The following ZNF469 variants were observed in gnomAD, a reference collection of about 807,000 sequenced individuals.
The protein encoded by ZNF469 is zinc finger protein 469.
In ZNF469, 1 loss-of-function variant was observed where a neutral mutation model predicts 1.0. The observed-to-expected ratio is 1.00, with a 90% CI of 0.35 to 4.73. The LOEUF (loss-of-function observed/expected upper bound fraction) is 4.73, where lower values mean the gene tolerates loss of function less well. ZNF469 is among the 30% of genes most tolerant of loss of function. ZNF469 has a pLI of 0.16. For synonymous variants in ZNF469, 2,703 were observed against 2,363.4 expected, an observed-to-expected ratio of 1.14 and a Z score of -4.17; for missense variants, 6,100 against 5,356.3, an observed-to-expected ratio of 1.14 and a Z score of -4.33.
chr16:88,229,135 A>C, the ZNF469 span, among the ~76,000 whole-genome samples: 4 of 152,230 alleles, frequency 2.6e-5, no homozygotes, highest in Admixed American at 6.5e-5. Flanking sequence ...AATCAACTTA[A>C]AGGAGAATAA....
the ZNF469 span, among the ~76,000 whole-genome samples, chr16:88,230,257 G>A: frequency 6.6e-6 from 1 of 152,274 alleles, no homozygotes; most frequent in Non-Finnish European, 1.5e-5. Flanking sequence ...GCTGGAGCCT[G>A]GAAACAGCCA....
At chr16:88,398,580 G>A (rs536632565) in intron 1 of ZNF469, among the ~76,000 whole-genome samples, 1 of 149,130 alleles carries the variant, frequency 6.7e-6, no homozygotes, top group South Asian at 2.1e-4. Context: ...ACAGACAAAG[G>A]GACATGTGCC....
the ZNF469 span, among the ~76,000 whole-genome samples, chr16:88,354,382 G>A: frequency 9.2e-5 from 14 of 152,270 alleles, no homozygotes; most frequent in Admixed American, 4.6e-4. Flanking sequence ...TCTGGAACCC[G>A]GGACGCAGGC....
chr16:88,317,587 G>C, the ZNF469 span, among the ~76,000 whole-genome samples: 1 of 152,216 alleles, frequency 6.6e-6, no homozygotes, highest in African/African-American at 2.4e-5. Flanking sequence ...GCTGAGGCTT[G>C]GGTGTTGGGG....
chr16:88,379,437 G>C (rs2092515839), upstream of ZNF469, among the ~76,000 whole-genome samples: 1 of 152,104 alleles, frequency 6.6e-6, no homozygotes. Context: ...AGGAGGGGTG[G>C]ACGTGGCCCT....
At chr16:88,325,130 C>T in the ZNF469 span, among the ~76,000 whole-genome samples, 1,088 of 147,590 alleles carry the variant, frequency 7.4e-3, 9 homozygotes, top group African/African-American at 0.026. Context: ...CTCACCTGCA[C>T]ACTCCAGGTG....
intron 1 of ZNF469, among the ~76,000 whole-genome samples, chr16:88,401,603 ATAGTTGGGTGAG>A: frequency 1.5e-5 from 2 of 136,256 alleles, no homozygotes; most frequent in Admixed American, 7.2e-5. Flanking sequence ...AGATGGATGG[ATAGTTGGGTGAG>A]TGGATGGATG....
chr16:88,433,231 G>T lies in ZNF469; in HGVS notation c.5761G>T (p.Gly1921Cys), dbSNP rs758095145. The T allele has an allele frequency of 8.4e-6, 13 of 1,550,234 alleles. No individual in the cohort carries two copies. In the South Asian group the frequency reaches 1.4e-4, roughly 17 times the overall value. ...GVAKSKDGIL[G>C]LQELTPAAQS... ...GGCTAAGAGTAAAGATGGCATCCTG[G>T]GCTTGCAGGAGCTGACACCTGCTGC... The change falls in exon 3 of 3, where the codon GGC (glycine) becomes TGC (cysteine). Residue 1921 changes from glycine (G) to cysteine (C), a missense_variant. Gly to Cys is a radical substitution (Grantham distance 159). Coordinates refer to ENST00000565624, the MANE Select transcript of ZNF469 (RefSeq NM_001367624.2).
At position 88,432,174 on chromosome 16, in the gene ZNF469, C is replaced by T; in HGVS notation, c.4704C>T (p.Val1568=). The change falls in exon 3 of 3, where the codon GTC becomes GTT. Residue 1568 remains valine, a synonymous_variant. Transcript: ENST00000565624. The part of the protein sequence containing the change: ...SEDELEIQKL[V]TELESQLQRS... ...ATGAACTGGAGATCCAGAAATTGGT[C>T]ACCGAATTAGAAAGTCAGCTGCAAA... The T allele has an allele frequency of 1.9e-6, 3 of 1,550,326 alleles. No individual in the cohort carries two copies. The highest frequency in any genetic ancestry group is 2.6e-6 in the Non-Finnish European group (3 of 1,146,992).
At chr16:88,222,914 G>C in the ZNF469 span, among the ~76,000 whole-genome samples, 4 of 152,180 alleles carry the variant, frequency 2.6e-5, no homozygotes, top group Admixed American at 1.3e-4. Context: ...GATTATTTTT[G>C]CAAAGCGTCA....
At chr16:88,181,889 A>C in the ZNF469 span, among the ~76,000 whole-genome samples, 3 of 152,256 alleles carry the variant, frequency 2.0e-5, no homozygotes, top group African/African-American at 7.2e-5. Flanking sequence ...GGCCACTGAA[A>C]TAAAGCCAGG....
chr16:88,234,056 T>C, the ZNF469 span, among the ~76,000 whole-genome samples: 1 of 152,224 alleles, frequency 6.6e-6, no homozygotes, highest in Non-Finnish European at 1.5e-5. Flanking sequence ...CTGGCTTTTG[T>C]GTGGGCTGCA....
the ZNF469 span, among the ~76,000 whole-genome samples, chr16:88,372,332 CCAT>C: frequency 0.016 from 1,033 of 65,008 alleles, 12 homozygotes; most frequent in Middle Eastern, 0.036. Flanking sequence ...ACCATCACCA[CCAT>C]CATCACCATC....
At chr16:88,309,285 C>G in the ZNF469 span, among the ~76,000 whole-genome samples, 1 of 152,246 alleles carries the variant, frequency 6.6e-6, no homozygotes, top group Admixed American at 6.5e-5. Context: ...CAGCGGTGAC[C>G]TGTGGTGGCC....
the ZNF469 span, among the ~76,000 whole-genome samples, chr16:88,256,094 C>G: frequency 2.6e-5 from 4 of 152,304 alleles, no homozygotes; most frequent in South Asian, 8.3e-4. Context: ...AGGGTTCATT[C>G]CTGGTGGTGT....
chr16:88,310,615 C>T, the ZNF469 span, among the ~76,000 whole-genome samples: 7 of 151,116 alleles, frequency 4.6e-5, no homozygotes, highest in Admixed American at 4.0e-4. Flanking sequence ...CAGAGTCTCG[C>T]TCTGTTGCCC....
the ZNF469 span, among the ~76,000 whole-genome samples, chr16:88,176,629 G>GAA: frequency 6.7e-6 from 1 of 150,288 alleles, no homozygotes; most frequent in Admixed American, 6.6e-5. Context: ...TAAGAAATAT[G>GAA]AAAAAAAAAA....
intron 1 of ZNF469, among the ~76,000 whole-genome samples, chr16:88,417,413 CGT>C: frequency 6.6e-6 from 1 of 152,290 alleles, no homozygotes; most frequent in South Asian, 2.1e-4. Flanking sequence ...CTGTGGGCAC[CGT>C]TGCCCATTCT....
chr16:88,211,142 A>G, the ZNF469 span, among the ~76,000 whole-genome samples: 1 of 152,152 alleles, frequency 6.6e-6, no homozygotes, highest in African/African-American at 2.4e-5. Context: ...TTTATCCCTA[A>G]ATGTTTTTAT....
Sources: allele counts gnomAD v4.1 joint callset (sites outside exome capture counted in the v4.1 genomes callset), GRCh38; gene constraint gnomAD v4.1.1; transcripts MANE v1.5; gene names NCBI Gene and HGNC (gene_info 2026-07-23, HGNC 2026-07-21).